The following ZDHHC15 variants were observed in gnomAD, a reference collection of about 807,000 sequenced individuals.
The protein encoded by ZDHHC15 is zDHHC palmitoyltransferase 15, also known as palmitoyltransferase ZDHHC15.
Under a neutral mutation model 31.7 loss-of-function variants are expected in ZDHHC15, and 19 were observed. The observed-to-expected ratio is 0.60, with a 90% CI of 0.42 to 0.88. The LOEUF (loss-of-function observed/expected upper bound fraction) is 0.88. Ranked by LOEUF, ZDHHC15 falls within the 40% of genes least tolerant of loss-of-function variation. The pLI is 0.00. For missense variants in ZDHHC15, 209 were observed against 251.2 expected (o/e 0.83, Z 1.14); for synonymous variants, 103 against 90.0 (o/e 1.14, Z -0.82).
At chrX:75,496,341 C>A (rs1244644636) in intron 2 of ZDHHC15, among the ~76,000 whole-genome samples, 1 of 111,173 alleles carries the variant, frequency 9.0e-6, no homozygotes, top group Admixed American at 9.6e-5. Context: ...CACTTGTGCT[C>A]CCAAATTTAT....
intron 4 of ZDHHC15, among the ~76,000 whole-genome samples, chrX:75,443,587 G>A (rs1036154504): frequency 7.2e-5 from 8 of 111,888 alleles, no homozygotes; most frequent in Middle Eastern, 4.6e-3. Context: ...AACACCAAAA[G>A]CAATGGCACA....
intron 7 of ZDHHC15, among the ~76,000 whole-genome samples, chrX:75,426,120 T>G (rs1325132036): frequency 8.9e-6 from 1 of 112,670 alleles, no homozygotes; most frequent in Non-Finnish European, 1.9e-5. Context: ...GTTTTTGTTT[T>G]ATTTTGAACT....
intron 7 of ZDHHC15, among the ~76,000 whole-genome samples, 156 bp downstream of exon 7, chrX:75,428,922 T>A (rs1323744334): frequency 1.8e-5 from 2 of 111,711 alleles, no homozygotes; most frequent in Non-Finnish European, 3.8e-5. Context: ...TCTCAGAGTA[T>A]TCAATATGGA....
At chrX:75,499,565 C>T (rs1263376303) in intron 2 of ZDHHC15, among the ~76,000 whole-genome samples, 2 of 111,483 alleles carry the variant, frequency 1.8e-5, no homozygotes, top group African/African-American at 6.5e-5. Flanking sequence ...CAAATCAAAA[C>T]CACAATGAGA....
chrX:75,443,363 G>A (rs2083975359), intron 4 of ZDHHC15, among the ~76,000 whole-genome samples: 1 of 111,497 alleles, frequency 9.0e-6, no homozygotes, highest in African/African-American at 3.3e-5. Context: ...AAGAAGAAAT[G>A]GGGAAAGCAT....
chrX:75,456,672 C>A (rs1569339563), intron 3 of ZDHHC15, among the ~76,000 whole-genome samples: 1 of 110,711 alleles, frequency 9.0e-6, no homozygotes, highest in Admixed American at 9.7e-5. Flanking sequence ...TCAGAAATAT[C>A]ATTTGACCCA....
chrX:75,439,572 T>C (rs967160654), intron 4 of ZDHHC15, among the ~76,000 whole-genome samples: 6 of 111,739 alleles, frequency 5.4e-5, no homozygotes, highest in Non-Finnish European at 1.1e-4. Context: ...CCATATCCTA[T>C]AATATTTTTA....
chrX:75,382,323 G>A (rs2083122773), intron 10 of ZDHHC15, among the ~76,000 whole-genome samples: 2 of 112,423 alleles, frequency 1.8e-5, no homozygotes, highest in Non-Finnish European at 3.8e-5. Flanking sequence ...GACAACAAAG[G>A]TAAAGGAATA....
chrX:75,407,513 C>A (rs1211069462), intron 10 of ZDHHC15, among the ~76,000 whole-genome samples: 1 of 109,137 alleles, frequency 9.2e-6, no homozygotes, highest in Non-Finnish European at 1.9e-5. Flanking sequence ...TGGGGGGCAG[C>A]CCCCGCCCGG....
At chrX:75,484,192 T>G in intron 2 of ZDHHC15, among the ~76,000 whole-genome samples, 1 of 111,607 alleles carries the variant, frequency 9.0e-6, no homozygotes, top group Middle Eastern at 4.6e-3. Flanking sequence ...AACAGTCTAT[T>G]CTATTGTTGG....
intron 2 of ZDHHC15, among the ~76,000 whole-genome samples, chrX:75,497,066 A>C: frequency 8.9e-6 from 1 of 112,204 alleles, no homozygotes; most frequent in Middle Eastern, 4.6e-3. Flanking sequence ...TTTGAAAGAT[A>C]AACAAAATCA....
rs2084003160 is a variant in ZDHHC15, at chrX:75,444,662, ATATATAT to A, written c.379+6133_379+6139del. 2.6e-5 allele frequency among the ~76,000 whole-genome samples: 2 copies of A among 77,666 alleles called. 1 individual carries two copies. The highest frequency in any genetic ancestry group is 2.9e-4 in the Admixed American group (2 of 6,948). 67.4% of individuals were successfully genotyped at this position (77,666 alleles called of 115,157 possible). On this transcript the variant is annotated intron_variant, in intron 4 of 11. Transcript: ENST00000373367. ...ACTGTATATATATATATATATATAT[ATATATAT>A]ATATATATATATATATATACACACA... is the stretch of plus-strand genomic sequence containing the variant.
chrX:75,400,344 C>T (rs758574309), intron 10 of ZDHHC15, among the ~76,000 whole-genome samples: 2 of 111,726 alleles, frequency 1.8e-5, no homozygotes, highest in South Asian at 3.8e-4. Context: ...ATCACAAATA[C>T]TAACAGCAGA....
intron 4 of ZDHHC15, 29 bp downstream of exon 4, chrX:75,450,773 C>A (rs749580226): frequency 1.7e-6 from 2 of 1,208,239 alleles, no homozygotes; most frequent in East Asian, 5.9e-5. Flanking sequence ...TGCTGAGCTG[C>A]CTCTCTAGCT....
chrX:75,474,573 T>TATACAC (rs1556026670), intron 3 of ZDHHC15, among the ~76,000 whole-genome samples: 4 of 64,284 alleles, frequency 6.2e-5, no homozygotes, highest in Non-Finnish European at 1.1e-4. Flanking sequence ...ATCCCCTTTA[T>TATACAC]ACACACACAC....
chrX:75,394,550 CAA>C (rs1286042848), intron 10 of ZDHHC15, among the ~76,000 whole-genome samples: 1 of 109,928 alleles, frequency 9.1e-6, no homozygotes, highest in African/African-American at 3.3e-5. Context: ...CAAGTGAAAA[CAA>C]AAACAGAGCA....
chrX:75,384,848 A>G (rs2083163013), intron 10 of ZDHHC15: 1 of 569,706 alleles, frequency 1.8e-6, no homozygotes, highest in Non-Finnish European at 3.1e-6. Flanking sequence ...AAAAATAAAT[A>G]AAAGACATCT....
chrX:75,469,172 G>A (rs1371596566), intron 3 of ZDHHC15, among the ~76,000 whole-genome samples: 1 of 111,457 alleles, frequency 9.0e-6, no homozygotes, highest in Non-Finnish European at 1.9e-5. Context: ...TTTCCCCTAA[G>A]TTTTACTCAA....
chrX:75,456,975 T>C (rs1346376583), intron 3 of ZDHHC15, among the ~76,000 whole-genome samples: 1 of 111,830 alleles, frequency 8.9e-6, no homozygotes, highest in Non-Finnish European at 1.9e-5. Flanking sequence ...GATAATAATA[T>C]CATCCCCATA....
Sources: allele counts gnomAD v4.1 joint callset (sites outside exome capture counted in the v4.1 genomes callset), GRCh38; gene constraint gnomAD v4.1.1; transcripts MANE v1.5; gene names NCBI Gene and HGNC (gene_info 2026-07-23, HGNC 2026-07-21).